The following FAM180A variants were observed in gnomAD, a reference collection of about 807,000 sequenced individuals.
FAM180A encodes the protein protein FAM180A.
In FAM180A, 14 loss-of-function variants were observed where a neutral mutation model predicts 15.3. That is an observed-to-expected ratio of 0.92 (90% CI 0.61 to 1.43). The LOEUF (loss-of-function observed/expected upper bound fraction) is 1.43. FAM180A is among the 40% of genes most tolerant of loss of function. FAM180A has a pLI of 0.00. For missense variants in FAM180A, 200 were observed against 220.8 expected, an observed-to-expected ratio of 0.91 and a Z score of 0.60; for synonymous variants, 90 against 96.8, an observed-to-expected ratio of 0.93 and a Z score of 0.41.
chr7:135,740,654 T>C (rs1796932324), intron 1 of FAM180A, among the ~76,000 whole-genome samples: 1 of 152,168 alleles, frequency 6.6e-6, no homozygotes, highest in Admixed American at 6.5e-5. Context: ...CTCTTGCCTA[T>C]CTGATGGGGC....
Position 135,733,773 on chromosome 7 carries a change from C to T in FAM180A, c.*202G>A. The stretch of plus-strand genomic sequence containing the variant: ...ACCATTCCAGCCCTTTCTTCCAGCC[C>T]AGGTCACATGATGGCATGAATCAGA... On this transcript the variant is annotated 3_prime_UTR_variant, in exon 3 of 4. Transcript: ENST00000338588. 1.5e-6 allele frequency: 2 copies of T among 1,378,644 alleles called. No individual in the cohort carries two copies. The highest frequency in any genetic ancestry group is 3.8e-5 in the South Asian group (2 of 52,952). 85.4% of individuals were successfully genotyped at this position (1,378,644 alleles called of 1,614,324 possible).
intron 2 of FAM180A, 27 bp from the exon 3 acceptor site, chr7:135,734,346 A>T (rs1007103580): frequency 1.3e-6 from 2 of 1,558,176 alleles, no homozygotes; most frequent in Admixed American, 3.7e-5. Context: ...ATGTGCAAAA[A>T]TATGAAGTGA....
At position 135,729,794 on chromosome 7, in the gene FAM180A, T is replaced by C. The variant is rs1563177086; in HGVS notation, c.*817A>G. The stretch of plus-strand genomic sequence containing the variant: ...TCCCGCTTGTATGAGGTATCTTAAG[T>C]AGTCAGACTCTCAAAAACAGAAAGC... On this transcript the variant is annotated 3_prime_UTR_variant, in exon 4 of 4. Coordinates refer to ENST00000338588, the MANE Select transcript of FAM180A (RefSeq NM_205855.4). 1 of 969,640 alleles carries C rather than the reference T, an allele frequency of 1.0e-6. No homozygotes were observed. Among genetic ancestry groups the C allele is most frequent in the African/African-American group, 1.8e-5 (1 of 56,776 alleles). The allele number at this position is 969,640 out of a possible 1,614,324, so 60.1% of individuals were successfully genotyped here. A position where few individuals can be genotyped will look rare whatever the true frequency, so the allele number is the denominator to read the frequency against.
intron 1 of FAM180A, among the ~76,000 whole-genome samples, chr7:135,744,577 C>T (rs763644225): frequency 1.7e-4 from 26 of 152,216 alleles, no homozygotes; most frequent in Non-Finnish European, 3.1e-4. Flanking sequence ...CCTGAAAGGG[C>T]TCTGGCAGCC....
At chr7:135,736,021 C>CT (rs1194298118) in intron 2 of FAM180A, among the ~76,000 whole-genome samples, 332 of 134,422 alleles carry the variant, frequency 2.5e-3, no homozygotes, top group Middle Eastern at 4.5e-3. Flanking sequence ...TCTTTCTTTT[C>CT]TTTTTTTTTT....
At chr7:135,742,783 A>G (rs1319420883) in intron 1 of FAM180A, among the ~76,000 whole-genome samples, 1 of 152,278 alleles carries the variant, frequency 6.6e-6, no homozygotes, top group Non-Finnish European at 1.5e-5. Context: ...CGGGGCACCC[A>G]CTGTGTGCCT....
chr7:135,747,938 T>C (rs1797053697), intron 1 of FAM180A, among the ~76,000 whole-genome samples: 1 of 152,168 alleles, frequency 6.6e-6, no homozygotes, highest in Admixed American at 6.5e-5. Context: ...AGAACAGCCT[T>C]TGCTGGGGCC....
At chr7:135,732,642 G>A (rs916259468) in intron 3 of FAM180A, among the ~76,000 whole-genome samples, 7 of 151,656 alleles carry the variant, frequency 4.6e-5, no homozygotes, top group Non-Finnish European at 4.4e-5. Flanking sequence ...GCAGCGAGCC[G>A]AGATAGTGCC....
At chr7:135,731,627 A>G (rs770690537) in intron 3 of FAM180A, among the ~76,000 whole-genome samples, 4 of 152,210 alleles carry the variant, frequency 2.6e-5, no homozygotes, top group Non-Finnish European at 5.9e-5. Flanking sequence ...AAAAAAGCAT[A>G]TATCAGAATC....
rs1796847244 is a variant in FAM180A, at chr7:135,734,816, G to T, written c.178-497C>A. 3.9e-5 allele frequency among the ~76,000 whole-genome samples: 6 copies of T among 152,324 alleles called. No individual in the cohort carries two copies. The South Asian group carries it at 1.2e-3, about 32-fold the overall frequency. The stretch of plus-strand genomic sequence containing the variant: ...GACTGGATTGGGCTGTGGGCCCCTT[G>T]CTGTTTCTTTTCTGTGTTAAACCAG... On this transcript the variant is annotated intron_variant, in intron 2 of 3. Coordinates refer to ENST00000338588, the MANE Select transcript of FAM180A (RefSeq NM_205855.4).
chr7:135,742,268 A>G (rs1796961970), intron 1 of FAM180A, among the ~76,000 whole-genome samples: 1 of 152,238 alleles, frequency 6.6e-6, no homozygotes, highest in Non-Finnish European at 1.5e-5. Context: ...GTCAAAATAC[A>G]GAGGTACAAT....
chr7:135,741,464 C>T lies in FAM180A; in HGVS notation c.77-4265G>A, dbSNP rs1435315728. ...CCGGGAGGCGGAGGTTGCAGTGAGC[C>T]GAGATCATGCCACTTCACTCCAGCC... On this transcript the variant is annotated intron_variant, in intron 1 of 3. Coordinates refer to ENST00000338588, the MANE Select transcript of FAM180A (RefSeq NM_205855.4). 2.0e-5 allele frequency among the ~76,000 whole-genome samples: 3 copies of T among 149,318 alleles called. No individual in the cohort carries two copies. The East Asian group carries it at 5.9e-4, about 30-fold the overall frequency.
intron 1 of FAM180A, among the ~76,000 whole-genome samples, chr7:135,745,267 A>C (rs1244082422): frequency 6.6e-6 from 1 of 152,208 alleles, no homozygotes; most frequent in Non-Finnish European, 1.5e-5. Flanking sequence ...AAGGTCCACC[A>C]AAAAATGGAA....
intron 2 of FAM180A, among the ~76,000 whole-genome samples, chr7:135,736,027 T>C (rs1358502939): frequency 6.6e-6 from 1 of 150,934 alleles, no homozygotes; most frequent in Non-Finnish European, 1.5e-5. Context: ...TTTTCTTTTT[T>C]TTTTTTTCTT....
intron 1 of FAM180A, among the ~76,000 whole-genome samples, chr7:135,746,193 CT>C (rs1244192991): frequency 6.6e-6 from 1 of 152,114 alleles, no homozygotes; most frequent in Non-Finnish European, 1.5e-5. Flanking sequence ...GTGGAAAGAC[CT>C]TCCCCAATGC....
In FAM180A at chr7:135,748,684, C is replaced by T. The variant is rs1054756407; in HGVS notation, c.-104G>A. The T allele has an allele frequency of 1.4e-4, 124 of 878,410 alleles. No individual in the cohort carries two copies. Among genetic ancestry groups the T allele is most frequent in the Middle Eastern group, 2.2e-4 (1 of 4,474 alleles). 54.4% of individuals were successfully genotyped at this position (878,410 alleles called of 1,614,324 possible). Reference sequence around the variant, plus strand: ...TCCCAGTGAGATGATGGAGTGCTTCCCTCCCTTCCTTTTGCAGACGTGCAG... The same window carrying T: ...TCCCAGTGAGATGATGGAGTGCTTCTCTCCCTTCCTTTTGCAGACGTGCAG... On this transcript the variant is annotated 5_prime_UTR_variant, in exon 1 of 4. Coordinates refer to ENST00000338588, the MANE Select transcript of FAM180A (RefSeq NM_205855.4).
At chr7:135,742,525 C>G (rs1331580572) in intron 1 of FAM180A, among the ~76,000 whole-genome samples, 1 of 152,214 alleles carries the variant, frequency 6.6e-6, no homozygotes, top group African/African-American at 2.4e-5. Flanking sequence ...AAACCAAGCA[C>G]TGCTCAGCTC....
chr7:135,745,723 A>T (rs1306656054), intron 1 of FAM180A, among the ~76,000 whole-genome samples: 1 of 151,944 alleles, frequency 6.6e-6, no homozygotes, highest in African/African-American at 2.4e-5. Context: ...GTTTACATCT[A>T]CATTTACATT....
intron 1 of FAM180A, among the ~76,000 whole-genome samples, chr7:135,737,586 CAAAAAAAAAAA>C (rs35378393): frequency 1.2e-5 from 1 of 82,384 alleles, no homozygotes; most frequent in Non-Finnish European, 2.3e-5. Flanking sequence ...GACTCCATGT[CAAAAAAAAAAA>C]AAAAAAAAAA....
Sources: allele counts gnomAD v4.1 joint callset (sites outside exome capture counted in the v4.1 genomes callset), GRCh38; gene constraint gnomAD v4.1.1; transcripts MANE v1.5; gene names NCBI Gene and HGNC (gene_info 2026-07-23, HGNC 2026-07-21).